The following IFI27L1 variants were observed in gnomAD, a reference collection of about 807,000 sequenced individuals.
IFI27L1 encodes the protein interferon alpha-inducible protein 27-like protein 1.
Under a neutral mutation model 9.2 loss-of-function variants are expected in IFI27L1, and 3 were observed. The observed-to-expected ratio is 0.32, with a 90% CI of 0.15 to 0.84. The LOEUF is 0.84. Among genes scored for constraint, IFI27L1 ranks in the 40% least tolerant of loss-of-function variants. The pLI, the probability that IFI27L1 is intolerant of heterozygous loss-of-function variation, is 0.56. For missense variants in IFI27L1, 133 were observed against 134.2 expected (o/e 0.99, Z 0.05); for synonymous variants, 53 against 50.0 (o/e 1.06, Z -0.26).
chr14:94,101,082 G>A, intron 3 of IFI27L1: 1 of 558,802 alleles, frequency 1.8e-6, no homozygotes, highest in South Asian at 2.3e-5. Context: ...AGGGCCCATG[G>A]TATCCTTGGG....
chr14:94,087,816 T>C (rs1222863315), intron 1 of IFI27L1, among the ~76,000 whole-genome samples: 4 of 152,082 alleles, frequency 2.6e-5, no homozygotes, highest in Non-Finnish European at 5.9e-5. Context: ...TCATCATTCA[T>C]GTGCAGATAT....
chr14:94,081,785 T>G (rs1886115947), intron 1 of IFI27L1, among the ~76,000 whole-genome samples: 1 of 152,202 alleles, frequency 6.6e-6, no homozygotes, highest in Non-Finnish European at 1.5e-5. Context: ...ACGTAATTGA[T>G]AAATGTTGTG....
intron 2 of IFI27L1, 39 bp from the exon 3 acceptor site, chr14:94,100,700 T>G (rs1172792906): frequency 1.5e-5 from 24 of 1,607,796 alleles, no homozygotes; most frequent in Middle Eastern, 3.3e-4. Flanking sequence ...AGGTTTGTGT[T>G]TGTTTGTTTG....
In IFI27L1 at chr14:94,089,988, A is replaced by AGC. The variant is rs370796012; in HGVS notation, c.-51-6899_-51-6898insGC. On this transcript the variant is annotated intron_variant, in intron 1 of 4. Coordinates refer to ENST00000555523, the MANE Select transcript of IFI27L1 (RefSeq NM_206949.3). ...TGTTCAATTTAAGAAAACATTGAGTAAGCTCATCCTACATTTCTATACAAA... is the reference window on the plus strand; with the variant it reads ...TGTTCAATTTAAGAAAACATTGAGTAGCAGCTCATCCTACATTTCTATACAAA... Among the ~76,000 whole-genome samples, 233 of 152,342 alleles carry AGC rather than the reference A, an allele frequency of 1.5e-3. 2 individuals carry two copies. The highest frequency in any genetic ancestry group is 5.4e-3 in the African/African-American group (226 of 41,576).
intron 3 of IFI27L1, chr14:94,101,199 A>G: frequency 9.5e-6 from 3 of 315,894 alleles, no homozygotes; most frequent in Non-Finnish European, 1.8e-5. Context: ...CCTGCTATAA[A>G]GCAGTGTCCT....
intron 2 of IFI27L1, among the ~76,000 whole-genome samples, chr14:94,098,223 A>G (rs1255511647): frequency 2.6e-5 from 4 of 152,230 alleles, no homozygotes; most frequent in Non-Finnish European, 5.9e-5. Flanking sequence ...GTCTGAAATC[A>G]GAGTGTCCCA....
intron 1 of IFI27L1, among the ~76,000 whole-genome samples, chr14:94,091,011 G>A (rs918303177): frequency 6.6e-6 from 1 of 152,148 alleles, no homozygotes; most frequent in African/African-American, 2.4e-5. Flanking sequence ...AAAAGATCAG[G>A]AAAAAGTCAG....
chr14:94,099,130 G>A (rs900304265), intron 2 of IFI27L1, among the ~76,000 whole-genome samples: 2 of 152,334 alleles, frequency 1.3e-5, no homozygotes, highest in African/African-American at 4.8e-5. Flanking sequence ...TGATGCAGAA[G>A]CGAGGGAGGC....
chr14:94,082,666 T>C (rs955227261), intron 1 of IFI27L1, among the ~76,000 whole-genome samples: 1 of 152,258 alleles, frequency 6.6e-6, no homozygotes, highest in African/African-American at 2.4e-5. Flanking sequence ...AATCTGCCTG[T>C]GCTCTGTAAG....
intron 1 of IFI27L1, among the ~76,000 whole-genome samples, chr14:94,092,034 G>A (rs1220083849): frequency 6.6e-6 from 1 of 151,772 alleles, no homozygotes; most frequent in East Asian, 1.9e-4. Context: ...GCTGAGTCAG[G>A]AGAATCGCTT....
intron 1 of IFI27L1, among the ~76,000 whole-genome samples, chr14:94,083,072 A>T (rs914076275): frequency 2.6e-5 from 4 of 152,256 alleles, no homozygotes; most frequent in Non-Finnish European, 5.9e-5. Context: ...TCATGGGAAG[A>T]TGTCAAAATA....
chr14:94,102,054 C>A, intron 4 of IFI27L1, 79 bp downstream of exon 4: 2 of 1,467,992 alleles, frequency 1.4e-6, no homozygotes, highest in Non-Finnish European at 1.9e-6. Flanking sequence ...TCTCCTCTCC[C>A]TGCAGGTCCG....
chr14:94,096,545 T>C (rs910215036), intron 1 of IFI27L1, among the ~76,000 whole-genome samples: 2 of 151,890 alleles, frequency 1.3e-5, no homozygotes, highest in Non-Finnish European at 2.9e-5. Flanking sequence ...AATACAAAAA[T>C]TAGCCAGGTG....
At chr14:94,081,933 A>G (rs182494814) in intron 1 of IFI27L1, among the ~76,000 whole-genome samples, 1 of 152,146 alleles carries the variant, frequency 6.6e-6, no homozygotes, top group East Asian at 1.9e-4. Context: ...TTCAAGTGAA[A>G]GAAAGAGTCG....
At chr14:94,091,966 A>C (rs1044798648) in intron 1 of IFI27L1, among the ~76,000 whole-genome samples, 4 of 151,826 alleles carry the variant, frequency 2.6e-5, no homozygotes, top group African/African-American at 9.7e-5. Context: ...TCTACTAAAA[A>C]TACAAAAAAA....
chr14:94,085,283 G>C (rs1353328345), intron 1 of IFI27L1, among the ~76,000 whole-genome samples: 1 of 152,224 alleles, frequency 6.6e-6, no homozygotes, highest in Non-Finnish European at 1.5e-5. Context: ...CCTGGAGTCA[G>C]GTCTGAGCTC....
chr14:94,083,752 AGAGTT>A (rs1176059984), intron 1 of IFI27L1, among the ~76,000 whole-genome samples: 2 of 152,242 alleles, frequency 1.3e-5, no homozygotes, highest in Non-Finnish European at 2.9e-5. Context: ...TTCAAAATAA[AGAGTT>A]GAGTAAATTG....
chr14:94,101,074 G>A, intron 3 of IFI27L1: 1 of 567,180 alleles, frequency 1.8e-6, no homozygotes, highest in South Asian at 2.3e-5. Context: ...TCTAAAGCAG[G>A]GCCCATGGTA....
chr14:94,100,447 G>A (rs1886850476), intron 2 of IFI27L1: 2 of 985,212 alleles, frequency 2.0e-6, no homozygotes, highest in Non-Finnish European at 2.4e-6. Context: ...CACAACTCAG[G>A]AGGCCCAGGC....
Sources: allele counts gnomAD v4.1 joint callset (sites outside exome capture counted in the v4.1 genomes callset), GRCh38; gene constraint gnomAD v4.1.1; transcripts MANE v1.5; gene names NCBI Gene and HGNC (gene_info 2026-07-23, HGNC 2026-07-21).